ANKRD44: variants seen among roughly 807,000 people sequenced by gnomAD.
ANKRD44 encodes the protein serine/threonine-protein phosphatase 6 regulatory ankyrin repeat subunit B.
Under a neutral mutation model 116.0 loss-of-function variants are expected in ANKRD44, and 35 were observed. The ratio of observed to expected loss-of-function variants is 0.30; its 90% CI spans 0.23 to 0.40. The LOEUF is 0.40. Among genes scored for constraint, ANKRD44 ranks in the 10% least tolerant of loss-of-function variants. The pLI, the probability that ANKRD44 is intolerant of heterozygous loss-of-function variation, is 1.00. For synonymous variants in ANKRD44, 435 were observed against 461.8 expected, an observed-to-expected ratio of 0.94 and a Z score of 0.74; for missense variants, 1,014 against 1,242.6, an observed-to-expected ratio of 0.82 and a Z score of 2.77.
chr2:197,025,411 A>C, intron 16 of ANKRD44, 144 bp from the exon 17 acceptor site: 1 of 571,006 alleles, frequency 1.8e-6, no homozygotes, highest in Non-Finnish European at 3.2e-6. Context: ...TCTAAAACAA[A>C]TATGCTAACA....
At chr2:197,020,795 T>C (rs1208776505) in intron 17 of ANKRD44, among the ~76,000 whole-genome samples, 3 of 148,224 alleles carry the variant, frequency 2.0e-5, no homozygotes, top group Admixed American at 6.6e-5. Flanking sequence ...TAATTATATA[T>C]GGAGTTTTTT....
intron 8 of ANKRD44, among the ~76,000 whole-genome samples, chr2:197,111,638 CA>C (rs5837523): frequency 1.9e-4 from 25 of 134,898 alleles, no homozygotes; most frequent in African/African-American, 2.6e-4. Flanking sequence ...GACTCTGTCT[CA>C]AAAAAAAAAA....
chr2:197,026,699 G>A (rs754524322), intron 16 of ANKRD44, among the ~76,000 whole-genome samples: 17 of 152,108 alleles, frequency 1.1e-4, no homozygotes, highest in Non-Finnish European at 2.2e-4. Flanking sequence ...TTGAGCAGAG[G>A]AGTTACATGA....
Position 197,106,806 on chromosome 2 carries a change from ATTT to A in ANKRD44, c.985+3957_985+3959del, listed in dbSNP as rs551923767. On this transcript the variant is annotated intron_variant, in intron 9 of 27. Transcript: ENST00000282272. ...CTCCGTCTCAAATATATATATATATATTTTTTTTTTTTTTTCAGGAAAACATAA... is the reference window on the plus strand; with the variant it reads ...CTCCGTCTCAAATATATATATATATATTTTTTTTTTTTCAGGAAAACATAA... 2.9e-3 allele frequency among the ~76,000 whole-genome samples: 395 copies of A among 136,576 alleles called. 1 individual carries two copies. The highest frequency in any genetic ancestry group is 0.013 in the East Asian group (60 of 4,638). The allele number at this position is 136,576 out of a possible 152,430, so 89.6% of individuals were successfully genotyped here.
At position 197,000,409 on chromosome 2, in the gene ANKRD44, G is replaced by GATT. The variant is rs113099458; in HGVS notation, c.2519+7_2519+9dup. On this transcript the variant is annotated intron_variant, in intron 23 of 27. Transcript: ENST00000282272. ...ATCAAGAAAAAAGCATGCTGTTTTAGATTACTTACCTGCCTTTGTCATCTC... is the reference window on the plus strand; with the variant it reads ...ATCAAGAAAAAAGCATGCTGTTTTAGATTATTACTTACCTGCCTTTGTCATCTC... The GATT allele has an allele frequency of 5.5e-4, 894 of 1,611,022 alleles. 5 individuals are homozygous for GATT. The African/African-American group carries it at 0.01, about 19-fold the overall frequency.
At chr2:197,130,138 T>C (rs886461939) in intron 4 of ANKRD44, among the ~76,000 whole-genome samples, 1 of 152,234 alleles carries the variant, frequency 6.6e-6, no homozygotes, top group African/African-American at 2.4e-5. Context: ...GCTTATGCTA[T>C]ATTACTGTAA....
intron 16 of ANKRD44, among the ~76,000 whole-genome samples, chr2:197,057,796 T>G (rs181557322): frequency 1.4e-3 from 219 of 152,338 alleles, no homozygotes; most frequent in African/African-American, 5.1e-3. Context: ...GTTCAAAGGC[T>G]GCAGTGAGCT....
intron 16 of ANKRD44, among the ~76,000 whole-genome samples, chr2:197,047,256 G>C (rs1190497604): frequency 6.6e-6 from 1 of 152,074 alleles, no homozygotes; most frequent in Non-Finnish European, 1.5e-5. Context: ...CTGACCTCAA[G>C]TGATCCACCC....
intron 16 of ANKRD44, among the ~76,000 whole-genome samples, chr2:197,036,260 CTTTA>C (rs1012592509): frequency 6.6e-6 from 1 of 151,954 alleles, no homozygotes; most frequent in African/African-American, 2.4e-5. Context: ...GTCTATGCAA[CTTTA>C]TTTATTTATT....
At chr2:197,193,999 TA>T (rs2080888413) in intron 1 of ANKRD44, among the ~76,000 whole-genome samples, 1 of 152,210 alleles carries the variant, frequency 6.6e-6, no homozygotes, top group African/African-American at 2.4e-5. Flanking sequence ...TTGTTTACCT[TA>T]ACAAGCTCAA....
chr2:197,061,736 T>C (rs929104856), intron 16 of ANKRD44, among the ~76,000 whole-genome samples: 1 of 151,702 alleles, frequency 6.6e-6, no homozygotes, highest in African/African-American at 2.4e-5. Context: ...GGCATATTTT[T>C]TACCTCCCAA....
intron 16 of ANKRD44, among the ~76,000 whole-genome samples, chr2:197,047,912 G>GAA (rs879398505): frequency 2.4e-5 from 3 of 122,904 alleles, no homozygotes. Flanking sequence ...TCCGCAAAAA[G>GAA]AAAAAAAAAA....
intron 18 of ANKRD44, among the ~76,000 whole-genome samples, chr2:197,011,408 CTTTTGTTTTG>C (rs770985589): frequency 2.0e-5 from 3 of 151,568 alleles, no homozygotes; most frequent in African/African-American, 4.9e-5. Flanking sequence ...TACAGTTGTG[CTTTTGTTTTG>C]TTTTGTTTTG....
chr2:197,039,385 G>T (rs1183604604), intron 16 of ANKRD44, among the ~76,000 whole-genome samples: 1 of 152,104 alleles, frequency 6.6e-6, no homozygotes, highest in African/African-American at 2.4e-5. Flanking sequence ...TCTCTCCTTG[G>T]GATATGATTA....
chr2:197,021,521 C>A (rs748811680), intron 17 of ANKRD44, among the ~76,000 whole-genome samples: 1 of 152,172 alleles, frequency 6.6e-6, no homozygotes, highest in Non-Finnish European at 1.5e-5. Flanking sequence ...TATCTCATTG[C>A]GGTTTTGATT....
intron 2 of ANKRD44, among the ~76,000 whole-genome samples, chr2:197,153,469 C>T (rs1473316577): frequency 1.3e-5 from 2 of 151,950 alleles, no homozygotes; most frequent in African/African-American, 4.8e-5. Flanking sequence ...ACAGGTACCT[C>T]GGAAGTATTT....
chr2:197,095,424 G>C (rs1220084549), intron 10 of ANKRD44, among the ~76,000 whole-genome samples: 1 of 152,212 alleles, frequency 6.6e-6, no homozygotes, highest in African/African-American at 2.4e-5. Context: ...GTAGCTTGAA[G>C]AAGGGGCTCT....
intron 21 of ANKRD44, among the ~76,000 whole-genome samples, chr2:196,979,155 G>A (rs2125863595): frequency 6.6e-6 from 1 of 152,050 alleles, no homozygotes; most frequent in Admixed American, 6.5e-5. Context: ...CCAGCACTTT[G>A]GGAGGCCGAG....
intron 1 of ANKRD44, among the ~76,000 whole-genome samples, chr2:197,273,627 A>G (rs969990453): frequency 6.6e-6 from 1 of 152,116 alleles, no homozygotes; most frequent in African/African-American, 2.4e-5. Context: ...CGCAGGGCCT[A>G]GGAGCCAGGC....
Sources: gnomAD v4.1 joint callset for allele counts (sites outside exome capture counted in the v4.1 genomes callset) on GRCh38, gnomAD v4.1.1 for gene constraint, MANE v1.5 for transcripts, NCBI Gene and HGNC (gene_info 2026-07-23, HGNC 2026-07-21) for gene names.